The following GPATCH1 variants were observed in gnomAD, a reference collection of about 807,000 sequenced individuals.
GPATCH1 encodes the protein G-patch domain containing 1.
In GPATCH1, 73 loss-of-function variants were observed where a neutral mutation model predicts 114.9. That is an observed-to-expected ratio of 0.64 (90% CI 0.53 to 0.77). The LOEUF (loss-of-function observed/expected upper bound fraction) is 0.77. Ranked by LOEUF, GPATCH1 falls within the 30% of genes least tolerant of loss-of-function variation. The pLI is 0.00. For synonymous variants in GPATCH1, 391 were observed against 428.4 expected, an observed-to-expected ratio of 0.91 and a Z score of 1.08; for missense variants, 1,058 against 1,144.3, an observed-to-expected ratio of 0.92 and a Z score of 1.09.
chr19:33,089,962 G>A (rs147778786), intron 2 of GPATCH1, among the ~76,000 whole-genome samples: 1 of 152,010 alleles, frequency 6.6e-6, no homozygotes, highest in Admixed American at 6.6e-5. Context: ...TTGAGACAGG[G>A]TCTCACTCTG....
Position 33,095,770 on chromosome 19 carries a change from G to T in GPATCH1, c.562G>T (p.Val188Phe), listed in dbSNP as rs769742341. 3 of 1,609,844 alleles carry T rather than the reference G, an allele frequency of 1.9e-6. No homozygotes were observed. Among genetic ancestry groups the T allele is most frequent in the East Asian group, 2.2e-5 (1 of 44,864 alleles). The change falls in exon 6 of 20, where the codon GTC (valine) becomes TTC (phenylalanine). Residue 188 changes from valine to phenylalanine, a missense_variant. Val to Phe is a conservative substitution (Grantham distance 50). Coordinates refer to ENST00000170564, the MANE Select transcript of GPATCH1 (RefSeq NM_018025.3). The stretch of plus-strand genomic sequence containing the variant: ...TGAAATCTCTTTTCTAGATCCTGGA[G>T]TCAAAATCTATGGCTGTGCATTACC... Reference protein sequence around the residue: ...RPRRQKPDPGVKIYGCALPPG... With the variant: ...RPRRQKPDPGFKIYGCALPPG...
intron 10 of GPATCH1, among the ~76,000 whole-genome samples, chr19:33,108,395 CTTCCTCCTCCT>C (rs1193006748): frequency 6.6e-6 from 1 of 152,182 alleles, no homozygotes; most frequent in Non-Finnish European, 1.5e-5. Flanking sequence ...AGTGTAGCGT[CTTCCTCCTCCT>C]TTCCTCCCCT....
intron 9 of GPATCH1, among the ~76,000 whole-genome samples, chr19:33,104,638 T>C (rs889825531): frequency 2.0e-5 from 3 of 152,048 alleles, no homozygotes; most frequent in African/African-American, 7.2e-5. Context: ...GCAGACTCTC[T>C]GGGGTGGGGC....
intron 15 of GPATCH1, 73 bp from the exon 16 acceptor site, chr19:33,117,752 G>A: frequency 2.0e-6 from 2 of 1,008,156 alleles, no homozygotes; most frequent in Non-Finnish European, 3.2e-6. Context: ...GTGTCTGGGA[G>A]TGTATTCTAG....
At chr19:33,114,525 T>G (rs1435850249) in intron 15 of GPATCH1, 106 bp downstream of exon 15, 1 of 880,992 alleles carries the variant, frequency 1.1e-6, no homozygotes, top group African/African-American at 1.7e-5. Flanking sequence ...AGCCAACTAT[T>G]GATCCATTTC....
chr19:33,097,667 C>A (rs2014635420), intron 7 of GPATCH1, 88 bp from the exon 8 acceptor site: 1 of 1,225,688 alleles, frequency 8.2e-7, no homozygotes, highest in Admixed American at 1.9e-5. Flanking sequence ...ACATGGTTTC[C>A]AATCACATCC....
intron 2 of GPATCH1, among the ~76,000 whole-genome samples, chr19:33,088,539 A>G (rs556977083): frequency 8.7e-4 from 132 of 151,586 alleles, no homozygotes; most frequent in Non-Finnish European, 1.6e-3. Flanking sequence ...TAGTAGAGAC[A>G]GGAGTTTCAC....
Position 33,130,140 on chromosome 19 carries a change from C to A in GPATCH1, c.2776C>A (p.Leu926Ile). The change falls in exon 20 of 20, where the codon CTT becomes ATT. Residue 926 changes from leucine (L) to isoleucine (I), a missense_variant. Physicochemically the swap from Leu to Ile is conservative, Grantham distance 5 (BLOSUM62 2). This residue lies in a region of GPATCH1 where 893 missense variants were observed against 977.4 expected (regional missense o/e 0.91). Coordinates refer to ENST00000170564, the MANE Select transcript of GPATCH1 (RefSeq NM_018025.3). ...TGTTTTCTTTTCCAGGCTGAAAAGT[C>A]TTCCACTAAGAAGGCAGTAATTGAA... is the stretch of plus-strand genomic sequence containing the variant. ...PQELLRRLKS[L>I]PLRRQ The A allele has an allele frequency of 6.2e-7, 1 of 1,611,530 alleles. No homozygotes were observed. The highest frequency in any genetic ancestry group is 8.5e-7 in the Non-Finnish European group (1 of 1,177,730).
At chr19:33,087,623 G>A (rs1265157738) in intron 1 of GPATCH1, among the ~76,000 whole-genome samples, 1 of 151,788 alleles carries the variant, frequency 6.6e-6, no homozygotes, top group East Asian at 1.9e-4. Context: ...CAGCTTCTGC[G>A]CCCTTCATTT....
intron 12 of GPATCH1, among the ~76,000 whole-genome samples, chr19:33,112,212 C>T (rs1046577563): frequency 6.6e-6 from 1 of 152,104 alleles, no homozygotes; most frequent in Admixed American, 6.6e-5. Context: ...GTGATCCACC[C>T]GCCTCGGCCT....
rs990855585 is a variant in GPATCH1, at chr19:33,081,243, C to G, written c.50C>G (p.Thr17Ser). 2 of 1,551,680 alleles carry G rather than the reference C, an allele frequency of 1.3e-6. No individual in the cohort carries two copies. Among genetic ancestry groups the G allele is most frequent in the Non-Finnish European group, 1.7e-6 (2 of 1,147,002 alleles). ...GAAGAAGATCTGGTCAGCTATGGGA[C>G]CGGGCTGGAGCCTCTGGAAGAAGGT... ...DSEEDLVSYG[T>S]GLEPLEEGER... Residue 17 changes from threonine (T) to serine (S), a missense_variant, in exon 1 of 20, where the codon ACC becomes AGC. Coordinates refer to ENST00000170564, the MANE Select transcript of GPATCH1 (RefSeq NM_018025.3).
At chr19:33,129,204 G>A (rs142728741) in intron 19 of GPATCH1, among the ~76,000 whole-genome samples, 2,231 of 151,124 alleles carry the variant, frequency 0.015, 50 homozygotes, top group African/African-American at 0.052. Flanking sequence ...CCGAGATCGC[G>A]CCACTGTACT....
At position 33,126,743 on chromosome 19, in the gene GPATCH1, G is replaced by T. The variant is rs1409764594; in HGVS notation, c.2765+10G>T. 6.3e-6 allele frequency: 10 copies of T among 1,594,312 alleles called. No individual in the cohort carries two copies. The highest frequency in any genetic ancestry group is 8.5e-6 in the Non-Finnish European group (10 of 1,172,386). On this transcript the variant is annotated intron_variant, in intron 19 of 19. Transcript: ENST00000170564. ...AGGAGCTGCTGAGACGGTGGGTAGT[G>T]GGAGATGGAGGGTTTTTCAGAAACC...
Position 33,081,228 on chromosome 19 carries a change from T to A in GPATCH1, c.35T>A (p.Leu12Gln). ...CGGGACAGTGACAGCGAAGAAGATCTGGTCAGCTATGGGACCGGGCTGGAG... is the reference window on the plus strand; with the variant it reads ...CGGGACAGTGACAGCGAAGAAGATCAGGTCAGCTATGGGACCGGGCTGGAG... ...AARDSDSEED[L>Q]VSYGTGLEPL... The change falls in exon 1 of 20, where the codon CTG becomes CAG. Residue 12 changes from leucine to glutamine, a missense_variant. Physicochemically the swap from Leu to Gln is moderately radical, Grantham distance 113. Around this residue, in one of 3 missense-constraint regions of GPATCH1, gnomAD observed 131 missense variants for 107.2 expected, o/e 1.22. Coordinates refer to ENST00000170564, the MANE Select transcript of GPATCH1 (RefSeq NM_018025.3). 6.4e-7 allele frequency: 1 copy of A among 1,551,668 alleles called. No homozygotes were observed. The highest frequency in any genetic ancestry group is 8.7e-7 in the Non-Finnish European group (1 of 1,147,002).
intron 17 of GPATCH1, among the ~76,000 whole-genome samples, chr19:33,120,698 T>TA (rs920007317): frequency 4.5e-4 from 68 of 149,570 alleles, no homozygotes; most frequent in African/African-American, 1.4e-3. Flanking sequence ...CATCTCTATT[T>TA]AAAAAAAAAG....
intron 17 of GPATCH1, among the ~76,000 whole-genome samples, chr19:33,124,513 A>G (rs1973018841): frequency 1.3e-5 from 2 of 152,104 alleles, no homozygotes; most frequent in South Asian, 4.1e-4. Context: ...CAGTGTTTCC[A>G]CTTGTAAGAC....
At chr19:33,097,973 C>G in intron 8 of GPATCH1, 71 bp downstream of exon 8, 1 of 1,378,340 alleles carries the variant, frequency 7.3e-7, no homozygotes, top group Non-Finnish European at 1.0e-6. Flanking sequence ...GCTGCAAGAG[C>G]GATACAGGAG....
chr19:33,101,709 G>A (rs2145317130), intron 9 of GPATCH1, 135 bp downstream of exon 9: 1 of 610,040 alleles, frequency 1.6e-6, no homozygotes, highest in African/African-American at 1.9e-5. Context: ...CTGGTTACTA[G>A]TGATTGTCTA....
At chr19:33,087,313 G>A (rs547523499) in intron 1 of GPATCH1, among the ~76,000 whole-genome samples, 4 of 152,108 alleles carry the variant, frequency 2.6e-5, no homozygotes, top group South Asian at 4.2e-4. Flanking sequence ...TTGATAAAAC[G>A]AGGCAGTAAT....
Sources: gnomAD v4.1 joint callset for allele counts (sites outside exome capture counted in the v4.1 genomes callset) on GRCh38, gnomAD v4.1.1 for gene constraint, gnomAD v4.1.1 regional missense constraint, MANE v1.5 for transcripts, NCBI Gene and HGNC (gene_info 2026-07-23, HGNC 2026-07-21) for gene names.